Variants in PANK3 observed in about 807,000 individuals in gnomAD.
PANK3 encodes pantothenate kinase 3.
In PANK3, 20 loss-of-function variants were observed where a neutral mutation model predicts 39.4. The ratio of observed to expected loss-of-function variants is 0.51; its 90% confidence interval spans 0.36 to 0.74. The LOEUF is 0.74. Ranked by LOEUF, PANK3 falls within the 30% of genes least tolerant of loss-of-function variation. PANK3 has a pLI of 0.00. For synonymous variants in PANK3, 140 were observed against 157.3 expected, an observed-to-expected ratio of 0.89 and a Z score of 0.82; for missense variants, 265 against 437.0, an observed-to-expected ratio of 0.61 and a Z score of 3.51.
chr5:168,556,732 T>C lies in PANK3; in HGVS notation c.*839A>G, dbSNP rs771094573. On this transcript the variant is annotated 3_prime_UTR_variant, in exon 7 of 7. Transcript: ENST00000239231. Reference sequence around the variant, plus strand: ...ATTATTAATGTTATTGTGGTTGTTTTAAAATAAAAGTTCTGAATGTATATA... The same window carrying C: ...ATTATTAATGTTATTGTGGTTGTTTCAAAATAAAAGTTCTGAATGTATATA... 3.3e-5 allele frequency: 5 copies of C among 152,616 alleles called. No individual in the cohort carries two copies. The highest frequency in any genetic ancestry group is 7.4e-5 in the Non-Finnish European group (5 of 68,026). 9.5% of individuals were successfully genotyped at this position (152,616 alleles called of 1,614,324 possible). A position where few individuals can be genotyped will look rare whatever the true frequency, so the allele number is the denominator to read the frequency against.
intron 1 of PANK3, among the ~76,000 whole-genome samples, chr5:168,572,276 A>G (rs1302343045): frequency 2.6e-5 from 4 of 151,944 alleles, no homozygotes; most frequent in Non-Finnish European, 5.9e-5. Context: ...ACCACGACCA[A>G]CTAATTTTTT....
chr5:168,565,877 A>ATC, intron 3 of PANK3, 136 bp downstream of exon 3: 1 of 193,286 alleles, frequency 5.2e-6, no homozygotes, highest in Non-Finnish European at 9.6e-6. Context: ...AAATATATAT[A>ATC]TATATATATT....
chr5:168,560,568 C>A (rs546326385), intron 5 of PANK3, among the ~76,000 whole-genome samples: 3 of 152,278 alleles, frequency 2.0e-5, no homozygotes, highest in Non-Finnish European at 4.4e-5. Flanking sequence ...AAAGCCAGAT[C>A]TTTGTTTTCT....
At chr5:168,576,228 C>T (rs1759728378) in intron 1 of PANK3, among the ~76,000 whole-genome samples, 1 of 152,196 alleles carries the variant, frequency 6.6e-6, no homozygotes, top group Non-Finnish European at 1.5e-5. Flanking sequence ...TACACAGACA[C>T]AAACTACAAA....
At position 168,549,668 on chromosome 5, in the gene PANK3, G is replaced by GCGA. The variant is rs1250780319; in HGVS notation, c.*7902_*7903insTCG. On this transcript the variant is annotated 3_prime_UTR_variant, in exon 7 of 7. Coordinates refer to ENST00000239231, the MANE Select transcript of PANK3 (RefSeq NM_024594.4). The stretch of plus-strand genomic sequence containing the variant: ...CAGCAAAAACGCCGAAATTCTATAA[G>GCGA]AAAAAAACTGATTTACCCCAAACAT... 6.6e-6 allele frequency: 1 copy of GCGA among 152,048 alleles called. No individual in the cohort carries two copies. The allele number at this position is 152,048 out of a possible 1,614,324, so 9.4% of individuals were successfully genotyped here.
chr5:168,569,472 G>T (rs1439837798), intron 1 of PANK3, among the ~76,000 whole-genome samples: 1 of 151,796 alleles, frequency 6.6e-6, no homozygotes, highest in East Asian at 1.9e-4. Flanking sequence ...GATTGCAGGC[G>T]TGAGCCACCG....
chr5:168,579,223 TC>T, intron 1 of PANK3, 32 bp downstream of exon 1: 1 of 1,483,894 alleles, frequency 6.7e-7, no homozygotes, highest in Non-Finnish European at 9.0e-7. Flanking sequence ...AAGGGTGCCC[TC>T]CCAACCTGGC....
intron 5 of PANK3, chr5:168,560,868 C>A (rs777646880): frequency 4.4e-5 from 19 of 428,060 alleles, no homozygotes; most frequent in Non-Finnish European, 5.1e-6. Context: ...ACAATAAACA[C>A]CACTCAAATA....
Position 168,567,594 on chromosome 5 carries a change from G to A in PANK3, c.381+1052C>T, listed in dbSNP as rs574817154. 8.5e-5 allele frequency among the ~76,000 whole-genome samples: 13 copies of A among 152,088 alleles called. No individual in the cohort carries two copies. The South Asian group carries it at 2.7e-3, about 32-fold the overall frequency. The stretch of plus-strand genomic sequence containing the variant: ...ACAGATCTTTACCTCAAATTATATG[G>A]GTCTCGCTTCTATGAGCCATTTAAG... On this transcript the variant is annotated intron_variant, in intron 2 of 6. Transcript: ENST00000239231.
chr5:168,548,957 T>C lies in PANK3; in HGVS notation c.*8614A>G, dbSNP rs1759233835. On this transcript the variant is annotated 3_prime_UTR_variant, in exon 7 of 7. Coordinates refer to ENST00000239231, the MANE Select transcript of PANK3 (RefSeq NM_024594.4). ...TAGAATGAGGCAACTGAAACTGAAA[T>C]GGCATGTGTAAGTAAAATTAATCCC... is the stretch of plus-strand genomic sequence containing the variant. The C allele has an allele frequency of 6.6e-6, 1 of 152,180 alleles. No homozygotes were observed. Among genetic ancestry groups the C allele is most frequent in the South Asian group, 2.1e-4 (1 of 4,828 alleles). 9.4% of individuals were successfully genotyped at this position (152,180 alleles called of 1,614,324 possible). A position where few individuals can be genotyped will look rare whatever the true frequency, so the allele number is the denominator to read the frequency against.
At chr5:168,564,238 A>C (rs1488151233) in intron 3 of PANK3, among the ~76,000 whole-genome samples, 173 bp from the exon 4 acceptor site, 1 of 152,218 alleles carries the variant, frequency 6.6e-6, no homozygotes, top group Non-Finnish European at 1.5e-5. Context: ...GTAAAACCAA[A>C]CTTGTTAGAT....
intron 1 of PANK3, 92 bp downstream of exon 1, chr5:168,579,164 A>G: frequency 8.3e-7 from 1 of 1,199,126 alleles, no homozygotes. Flanking sequence ...GCGAGGAGCG[A>G]CGGGCTTGGA....
intron 1 of PANK3, among the ~76,000 whole-genome samples, chr5:168,575,989 T>C (rs1326586169): frequency 6.6e-6 from 1 of 152,196 alleles, no homozygotes; most frequent in Non-Finnish European, 1.5e-5. Flanking sequence ...CATTTCACTA[T>C]TCTCAATAAT....
chr5:168,553,187 C>A lies in PANK3; in HGVS notation c.*4384G>T. 2.0e-6 allele frequency: 1 copy of A among 498,914 alleles called. No homozygotes were observed. 30.9% of individuals were successfully genotyped at this position (498,914 alleles called of 1,614,324 possible). A position where few individuals can be genotyped will look rare whatever the true frequency, so the allele number is the denominator to read the frequency against. ...ATCACTGGGCATAGCTCTTCAGACC[C>A]CAAGATGAACTCCAGACCAAAGATC... On this transcript the variant is annotated 3_prime_UTR_variant, in exon 7 of 7. Coordinates refer to ENST00000239231, the MANE Select transcript of PANK3 (RefSeq NM_024594.4).
At chr5:168,575,930 G>A (rs1170246126) in intron 1 of PANK3, among the ~76,000 whole-genome samples, 1 of 152,142 alleles carries the variant, frequency 6.6e-6, no homozygotes, top group African/African-American at 2.4e-5. Context: ...TATAAAGTTA[G>A]CATGTATGCT....
chr5:168,553,152 A>G lies in PANK3; in HGVS notation c.*4419T>C. 1 of 457,864 alleles carries G rather than the reference A, an allele frequency of 2.2e-6. No individual in the cohort carries two copies. The allele number at this position is 457,864 out of a possible 1,614,324, so 28.4% of individuals were successfully genotyped here. A position where few individuals can be genotyped will look rare whatever the true frequency, so the allele number is the denominator to read the frequency against. On this transcript the variant is annotated 3_prime_UTR_variant, in exon 7 of 7. Transcript: ENST00000239231. ...TTTATAGGACAGCTGGAAGGATGGT[A>G]AAGCCCAGTATCACTGGGCATAGCT...
Position 168,550,894 on chromosome 5 carries a change from T to C in PANK3, c.*6677A>G, listed in dbSNP as rs1759264534. ...GACCAGTGACCAACACTACTTCTAA[T>C]ACAATACCAAATATGACCTCACATT... is the stretch of plus-strand genomic sequence containing the variant. On this transcript the variant is annotated 3_prime_UTR_variant, in exon 7 of 7. Transcript: ENST00000239231. 6.6e-6 allele frequency: 1 copy of C among 152,156 alleles called. No individual in the cohort carries two copies. Among genetic ancestry groups the C allele is most frequent in the African/African-American group, 2.4e-5 (1 of 41,452 alleles). 9.4% of individuals were successfully genotyped at this position (152,156 alleles called of 1,614,324 possible).
intron 2 of PANK3, among the ~76,000 whole-genome samples, chr5:168,567,444 G>A (rs1446191706): frequency 6.6e-6 from 1 of 152,084 alleles, no homozygotes; most frequent in South Asian, 2.1e-4. Context: ...TTAGTAAAAA[G>A]CGTATTATAA....
intron 1 of PANK3, among the ~76,000 whole-genome samples, chr5:168,579,049 G>A (rs890304634): frequency 4.6e-5 from 7 of 152,206 alleles, no homozygotes; most frequent in Non-Finnish European, 7.3e-5. Context: ...GAAAGGCTAG[G>A]GGGCGGCAGG....
Sources: allele counts gnomAD v4.1 joint callset (sites outside exome capture counted in the v4.1 genomes callset), GRCh38; gene constraint gnomAD v4.1.1; transcripts MANE v1.5; gene names NCBI Gene and HGNC (gene_info 2026-07-23, HGNC 2026-07-21).